MAGI2: variants seen among roughly 807,000 people sequenced by gnomAD.
The protein encoded by MAGI2 is membrane-associated guanylate kinase, WW and PDZ domain-containing protein 2.
A neutral mutation model predicts 133.3 loss-of-function variants in MAGI2; 35 were observed. The observed-to-expected ratio is 0.26, with a 90% confidence interval of 0.20 to 0.35. The LOEUF (loss-of-function observed/expected upper bound fraction) is 0.35. Ranked by LOEUF, MAGI2 falls within the 10% of genes least tolerant of loss-of-function variation. The pLI, the probability that MAGI2 is intolerant of heterozygous loss-of-function variation, is 1.00. For missense variants in MAGI2, 1,636 were observed against 1,863.4 expected (o/e 0.88, Z 2.25); for synonymous variants, 729 against 710.6 (o/e 1.03, Z -0.41).
At chr7:79,010,247 G>GTA (rs1181763582) in intron 1 of MAGI2, among the ~76,000 whole-genome samples, 1 of 151,676 alleles carries the variant, frequency 6.6e-6, no homozygotes, top group Non-Finnish European at 1.5e-5. Flanking sequence ...ATGTATGTAT[G>GTA]TGTGATACAT....
intron 1 of MAGI2, among the ~76,000 whole-genome samples, chr7:79,307,383 T>C (rs1045790861): frequency 3.3e-5 from 5 of 152,190 alleles, no homozygotes; most frequent in Non-Finnish European, 5.9e-5. Context: ...GAGTTAGTGA[T>C]ACTTAGGAGT....
intron 1 of MAGI2, among the ~76,000 whole-genome samples, chr7:79,335,882 A>G (rs1173723936): frequency 1.3e-5 from 2 of 152,072 alleles, no homozygotes; most frequent in African/African-American, 2.4e-5. Context: ...CTGCAACACT[A>G]TATTTAAATA....
chr7:78,892,334 C>T (rs1288893955), intron 2 of MAGI2, among the ~76,000 whole-genome samples: 1 of 152,146 alleles, frequency 6.6e-6, no homozygotes, highest in Non-Finnish European at 1.5e-5. Flanking sequence ...AATGCCATCC[C>T]CATCAAGCCA....
At chr7:79,294,592 G>A (rs1836764928) in intron 1 of MAGI2, among the ~76,000 whole-genome samples, 1 of 151,984 alleles carries the variant, frequency 6.6e-6, no homozygotes, top group Non-Finnish European at 1.5e-5. Context: ...AGACAGTCTA[G>A]GATATCTTGC....
At chr7:78,937,012 A>C (rs1404755561) in intron 2 of MAGI2, among the ~76,000 whole-genome samples, 1 of 152,040 alleles carries the variant, frequency 6.6e-6, no homozygotes, top group East Asian at 1.9e-4. Flanking sequence ...TTGAATTCTA[A>C]ATACCACTCT....
chr7:78,102,218 A>C (rs1441500247), intron 20 of MAGI2, among the ~76,000 whole-genome samples: 3 of 152,174 alleles, frequency 2.0e-5, no homozygotes, highest in African/African-American at 7.2e-5. Flanking sequence ...AAAAGGGGAG[A>C]TAATGGTGAA....
At chr7:78,998,988 A>C (rs894936838) in intron 2 of MAGI2, among the ~76,000 whole-genome samples, 4 of 152,144 alleles carry the variant, frequency 2.6e-5, no homozygotes, top group Admixed American at 6.6e-5. Context: ...ATTTTCCATC[A>C]AAACTGTTGA....
At chr7:78,832,020 T>C (rs1050401656) in intron 2 of MAGI2, among the ~76,000 whole-genome samples, 3 of 152,192 alleles carry the variant, frequency 2.0e-5, no homozygotes, top group Admixed American at 6.5e-5. Context: ...TGTGTCAATA[T>C]GAATGAGTGG....
At chr7:78,407,861 CTAGGATG>C (rs375762196) in intron 6 of MAGI2, among the ~76,000 whole-genome samples, 63,185 of 115,330 alleles carry the variant, frequency 0.55, 13,856 homozygotes, top group African/African-American at 0.66. Flanking sequence ...TGGTTTTCCT[CTAGGATG>C]CCAGAGATCA....
chr7:79,427,160 T>G (rs971217359), intron 1 of MAGI2, among the ~76,000 whole-genome samples: 2 of 152,190 alleles, frequency 1.3e-5, no homozygotes, highest in Non-Finnish European at 2.9e-5. Context: ...AATAAATATT[T>G]ACCGAGTACT....
intron 1 of MAGI2, among the ~76,000 whole-genome samples, chr7:79,296,713 T>A (rs1378537443): frequency 6.6e-6 from 1 of 152,116 alleles, no homozygotes; most frequent in Non-Finnish European, 1.5e-5. Flanking sequence ...ATGGTGGTTG[T>A]CAGAGGCTGG....
Position 78,019,407 on chromosome 7 carries a change from T to G in MAGI2, c.4276A>C (p.Lys1426Gln). ...PRPPGGAPAR[K>Q]AAVAPGPWKV... ...CAGGGCCCCGGCGCGACGGCGGCCTTGCGCGCCGGGGCGCCCCCCGGGGGT... is the reference window on the plus strand; with the variant it reads ...CAGGGCCCCGGCGCGACGGCGGCCTGGCGCGCCGGGGCGCCCCCCGGGGGT... The change falls in exon 22 of 22, where the codon AAG (lysine) becomes CAG (glutamine). Residue 1426 changes from lysine to glutamine, a missense_variant. By Grantham distance (53) the Lys-to-Gln change is moderately conservative. This residue lies in a region of MAGI2 where 354 missense variants were observed against 298.7 expected (regional missense o/e 1.19). Coordinates refer to ENST00000354212, the MANE Select transcript of MAGI2 (RefSeq NM_012301.4). 1 of 1,156,016 alleles carries G rather than the reference T, an allele frequency of 8.7e-7. No individual in the cohort carries two copies. Among genetic ancestry groups the G allele is most frequent in the Non-Finnish European group, 1.1e-6 (1 of 941,572 alleles). 71.6% of individuals were successfully genotyped at this position (1,156,016 alleles called of 1,614,324 possible).
chr7:78,184,350 C>T (rs1457030055), intron 13 of MAGI2: 2 of 152,164 alleles, frequency 1.3e-5, no homozygotes, highest in Non-Finnish European at 2.9e-5. Context: ...ATACTTTAGA[C>T]ATTATTTTAG....
At chr7:79,096,865 T>A (rs1446199090) in intron 1 of MAGI2, among the ~76,000 whole-genome samples, 1 of 152,100 alleles carries the variant, frequency 6.6e-6, no homozygotes, top group Non-Finnish European at 1.5e-5. Flanking sequence ...CTCCAGATGA[T>A]CCCAAACTAG....
chr7:79,149,018 A>G (rs1822926062), intron 1 of MAGI2, among the ~76,000 whole-genome samples: 3 of 145,162 alleles, frequency 2.1e-5, no homozygotes, highest in African/African-American at 7.5e-5. Flanking sequence ...TTATTTTTAA[A>G]TAGCACTAGA....
chr7:78,377,995 T>G (rs560416746), intron 6 of MAGI2, among the ~76,000 whole-genome samples: 4 of 152,014 alleles, frequency 2.6e-5, no homozygotes, highest in Non-Finnish European at 5.9e-5. Context: ...AAACAAATAC[T>G]TATAAATAAA....
intron 6 of MAGI2, among the ~76,000 whole-genome samples, chr7:78,439,653 T>C (rs1325294538): frequency 6.6e-6 from 1 of 152,206 alleles, no homozygotes; most frequent in East Asian, 1.9e-4. Flanking sequence ...ACTTTATGGC[T>C]AGATCCTTGG....
chr7:79,094,583 C>G (rs926359204), intron 1 of MAGI2, among the ~76,000 whole-genome samples: 26 of 152,262 alleles, frequency 1.7e-4, no homozygotes, highest in African/African-American at 6.3e-4. Context: ...GAAACAGTGT[C>G]TATGGAAGCT....
At chr7:79,115,854 GTTTTTTT>G (rs59398227) in intron 1 of MAGI2, among the ~76,000 whole-genome samples, 5 of 93,946 alleles carry the variant, frequency 5.3e-5, no homozygotes, top group African/African-American at 1.7e-4. Context: ...ATGTTTTAAA[GTTTTTTT>G]TTTTTTTTTT....
Sources: allele counts gnomAD v4.1 joint callset (sites outside exome capture counted in the v4.1 genomes callset), GRCh38; gene constraint gnomAD v4.1.1; regional missense constraint gnomAD v4.1.1; transcripts MANE v1.5; gene names NCBI Gene and HGNC (gene_info 2026-07-23, HGNC 2026-07-21).